Variants in GALNT3 observed in about 807,000 individuals in gnomAD.
GALNT3 encodes GalNAc transferase 3.
In GALNT3, 51 loss-of-function variants were observed where a neutral mutation model predicts 69.8. That is an observed-to-expected ratio of 0.73 (90% confidence interval 0.58 to 0.92). GALNT3 has a LOEUF of 0.92. GALNT3 is among the 40% of genes least tolerant of loss of function. The pLI, the probability that GALNT3 is intolerant of heterozygous loss-of-function variation, is 0.00. For synonymous variants in GALNT3, 265 were observed against 248.5 expected, an observed-to-expected ratio of 1.07 and a Z score of -0.63; for missense variants, 711 against 760.0, an observed-to-expected ratio of 0.94 and a Z score of 0.76.
Position 165,763,144 on chromosome 2 carries a change from A to C in GALNT3, c.689-1090T>G, listed in dbSNP as rs1332923466. On this transcript the variant is annotated intron_variant, in intron 3 of 10. Coordinates refer to ENST00000392701, the MANE Select transcript of GALNT3 (RefSeq NM_004482.4). ...TTCTTAAGCCTGTTTTTCTCAATTA[A>C]ATTTTTGATTTCTTATTGAGTACAA... 2.0e-5 allele frequency among the ~76,000 whole-genome samples: 3 copies of C among 151,860 alleles called. No individual in the cohort carries two copies. In the East Asian group the frequency reaches 5.8e-4, roughly 29 times the overall value.
In GALNT3 at chr2:165,758,630, T is replaced by A. The variant is rs1688488517; in HGVS notation, c.1191+117A>T. On this transcript the variant is annotated intron_variant, in intron 6 of 10. Coordinates refer to ENST00000392701, the MANE Select transcript of GALNT3 (RefSeq NM_004482.4). ...TATTCCAAAATTTCCAGCAATTAAG[T>A]TTCAGAAAGCACAAAAAGTAGAGTG... 15 of 697,588 alleles carry A rather than the reference T, an allele frequency of 2.2e-5. No individual in the cohort carries two copies. The East Asian group carries it at 3.9e-4, about 18-fold the overall frequency. 43.2% of individuals were successfully genotyped at this position (697,588 alleles called of 1,614,324 possible).
chr2:165,758,701 T>C (rs1308486379), intron 6 of GALNT3, 46 bp downstream of exon 6: 1 of 1,154,450 alleles, frequency 8.7e-7, no homozygotes, highest in South Asian at 1.2e-5. Flanking sequence ...ACACAATATA[T>C]TTCATTGTTT....
chr2:165,759,661 T>C, intron 4 of GALNT3, 91 bp from the exon 5 acceptor site: 1 of 902,326 alleles, frequency 1.1e-6, no homozygotes, highest in Non-Finnish European at 1.8e-6. Flanking sequence ...GAAATGAGAA[T>C]AACAGAGTCA....
intron 1 of GALNT3, among the ~76,000 whole-genome samples, chr2:165,778,525 G>A (rs1683023552): frequency 6.6e-6 from 1 of 152,122 alleles, no homozygotes; most frequent in African/African-American, 2.4e-5. Context: ...AAGAATACAG[G>A]AGTTGTAAAT....
chr2:165,783,393 C>T (rs1236815727), intron 1 of GALNT3, among the ~76,000 whole-genome samples: 1 of 152,078 alleles, frequency 6.6e-6, no homozygotes, highest in African/African-American at 2.4e-5. Flanking sequence ...TCCTTTGAGG[C>T]CCCAAAAATA....
At chr2:165,766,194 G>A (rs572561541) in intron 2 of GALNT3, among the ~76,000 whole-genome samples, 24 of 152,134 alleles carry the variant, frequency 1.6e-4, no homozygotes, top group African/African-American at 5.3e-4. Context: ...TAAGACTAGC[G>A]TTTAAAAAAA....
Position 165,770,299 on chromosome 2 carries a change from A to T in GALNT3, c.402T>A (p.Ser134Arg). 1.2e-6 allele frequency: 2 copies of T among 1,614,102 alleles called. No individual in the cohort carries two copies. Among genetic ancestry groups the T allele is most frequent in the East Asian group, 2.2e-5 (1 of 44,874 alleles). Residue 134 changes from serine (S) to arginine (R), a missense_variant, in exon 2 of 11, where the codon AGT becomes AGA. Ser to Arg is a moderately radical substitution (Grantham distance 110). Coordinates refer to ENST00000392701, the MANE Select transcript of GALNT3 (RefSeq NM_004482.4). ...GTTCCTTTTCCTTTTGCTCTTCAACACTTAAATTGGTTGTCTTGAATGCTT... is the reference window on the plus strand; with the variant it reads ...GTTCCTTTTCCTTTTGCTCTTCAACTCTTAAATTGGTTGTCTTGAATGCTT... The part of the protein sequence containing the change: ...SGKAFKTTNL[S>R]VEEQKEKERG...
chr2:165,778,034 C>T (rs1471424847), intron 1 of GALNT3, among the ~76,000 whole-genome samples: 1 of 152,188 alleles, frequency 6.6e-6, no homozygotes, highest in African/African-American at 2.4e-5. Flanking sequence ...CCCTCATCGT[C>T]ATCTCTGAAT....
At chr2:165,763,719 TTTAC>T (rs1381528914) in intron 3 of GALNT3, among the ~76,000 whole-genome samples, 1 of 152,110 alleles carries the variant, frequency 6.6e-6, no homozygotes, top group Non-Finnish European at 1.5e-5. Context: ...TAAAAAAAAA[TTTAC>T]TTACCCACAA....
intron 2 of GALNT3, among the ~76,000 whole-genome samples, chr2:165,768,792 CTTTTTT>C (rs71028502): frequency 7.9e-6 from 1 of 126,258 alleles, no homozygotes; most frequent in Non-Finnish European, 1.7e-5. Context: ...ATCTTGTACT[CTTTTTT>C]TTTTTTTTTT....
At chr2:165,761,577 A>G (rs1688547295) in intron 4 of GALNT3, among the ~76,000 whole-genome samples, 1 of 151,062 alleles carries the variant, frequency 6.6e-6, no homozygotes. Flanking sequence ...CAAACAAACA[A>G]ACAAACAAAC....
intron 3 of GALNT3, among the ~76,000 whole-genome samples, chr2:165,762,730 A>G (rs1216636169): frequency 1.3e-5 from 2 of 152,204 alleles, no homozygotes; most frequent in African/African-American, 2.4e-5. Flanking sequence ...AAGGTTTGTA[A>G]TAAGCAAAAT....
chr2:165,758,943 A>G, intron 5 of GALNT3, 79 bp from the exon 6 acceptor site: 1 of 916,078 alleles, frequency 1.1e-6, no homozygotes, highest in Middle Eastern at 2.2e-4. Flanking sequence ...CTGAAGTTAA[A>G]AAATTAAAGC....
chr2:165,783,918 T>C (rs952770067), intron 1 of GALNT3, among the ~76,000 whole-genome samples: 1 of 152,168 alleles, frequency 6.6e-6, no homozygotes, highest in Admixed American at 6.5e-5. Flanking sequence ...ACCTTTAAGA[T>C]TAGGCTATAT....
At chr2:165,777,703 A>G (rs1282735939) in intron 1 of GALNT3, among the ~76,000 whole-genome samples, 1 of 152,196 alleles carries the variant, frequency 6.6e-6, no homozygotes, top group Non-Finnish European at 1.5e-5. Context: ...ACAAGAGACA[A>G]ACACTGATGC....
At chr2:165,772,021 T>A (rs747546648) in intron 1 of GALNT3, among the ~76,000 whole-genome samples, 6 of 152,170 alleles carry the variant, frequency 3.9e-5, no homozygotes, top group Non-Finnish European at 5.9e-5. Context: ...CATATATTGC[T>A]CATAAAAGTG....
intron 7 of GALNT3, 44 bp downstream of exon 7, chr2:165,757,003 T>C (rs750849793): frequency 2.0e-5 from 30 of 1,465,706 alleles, no homozygotes; most frequent in Admixed American, 5.1e-5. Flanking sequence ...CGTGTGAACT[T>C]GTTATAGATT....
At chr2:165,793,395 G>A (rs983219773) in intron 1 of GALNT3, among the ~76,000 whole-genome samples, 3 of 152,156 alleles carry the variant, frequency 2.0e-5, no homozygotes, top group African/African-American at 4.8e-5. Context: ...CTCTGGCCTG[G>A]AGAGCGCACC....
At chr2:165,761,439 T>C (rs1427173495) in intron 4 of GALNT3, among the ~76,000 whole-genome samples, 2 of 152,128 alleles carry the variant, frequency 1.3e-5, no homozygotes, top group African/African-American at 4.8e-5. Context: ...CTTGAACTCC[T>C]GACCTCAAAT....
Sources: allele counts gnomAD v4.1 joint callset (sites outside exome capture counted in the v4.1 genomes callset), GRCh38; gene constraint gnomAD v4.1.1; transcripts MANE v1.5; gene names NCBI Gene and HGNC (gene_info 2026-07-23, HGNC 2026-07-21).